PIGU: variants seen among roughly 807,000 people sequenced by gnomAD.
The protein encoded by PIGU is phosphatidylinositol glycan anchor biosynthesis class U.
Under a neutral mutation model 49.9 loss-of-function variants are expected in PIGU, and 24 were observed. The ratio of observed to expected loss-of-function variants is 0.48; its 90% CI spans 0.35 to 0.68. The LOEUF (loss-of-function observed/expected upper bound fraction) is 0.68, where lower values mean the gene tolerates loss of function less well. PIGU is among the 30% of genes least tolerant of loss of function. The pLI, the probability that PIGU is intolerant of heterozygous loss-of-function variation, is 0.01. For missense variants in PIGU, 490 were observed against 532.6 expected (o/e 0.92, Z 0.79); for synonymous variants, 220 against 205.7 (o/e 1.07, Z -0.59).
chr20:34,614,899 C>T (rs1349903022), intron 7 of PIGU, among the ~76,000 whole-genome samples: 4 of 152,226 alleles, frequency 2.6e-5, no homozygotes, highest in African/African-American at 4.8e-5. Context: ...GCCACCTGTA[C>T]ACTTTCAAGA....
At chr20:34,631,015 C>T (rs1985687168) in intron 6 of PIGU, among the ~76,000 whole-genome samples, 1 of 150,990 alleles carries the variant, frequency 6.6e-6, no homozygotes, top group African/African-American at 2.4e-5. Context: ...AGAAATCCTC[C>T]CAAAACAAAC....
intron 1 of PIGU, among the ~76,000 whole-genome samples, chr20:34,668,978 A>G (rs898136278): frequency 1.1e-4 from 16 of 140,834 alleles, no homozygotes; most frequent in Non-Finnish European, 7.5e-5. Context: ...TCCTCATCCC[A>G]GGCTCAAGCA....
At chr20:34,607,540 G>A (rs1324976628) in intron 7 of PIGU, among the ~76,000 whole-genome samples, 1 of 152,112 alleles carries the variant, frequency 6.6e-6, no homozygotes, top group African/African-American at 2.4e-5. Flanking sequence ...CCATCCCATT[G>A]ACAGCCACTT....
At position 34,581,569 on chromosome 20, in the gene PIGU, CG is replaced by C; in HGVS notation, c.1029del (p.Val344CysfsTer9). 6.2e-7 allele frequency: 1 copy of C among 1,613,534 alleles called. No individual in the cohort carries two copies. The highest frequency in any genetic ancestry group is 8.5e-7 in the Non-Finnish European group (1 of 1,179,852). ...TCACATCTGTAGAGATGGTTCCACA[CG>C]GGGAAGAAGGCCATGTAGAGCGCCA... ...GDVALYMAFF[P>X]VWNHLYRFLR... is the part of the protein sequence containing the mutation. On this transcript the variant is annotated frameshift_variant, in exon 10 of 12. Coordinates refer to ENST00000217446, the MANE Select transcript of PIGU (RefSeq NM_080476.5). LOFTEE classifies it high-confidence loss of function.
rs71194627 is a variant in PIGU at position 34,595,095 on chromosome 20, CAAAAAAAAAAAAA to C, written c.628-6501_628-6489del. ...TGGGAAACAGAGCAAGACTCCGTCT[CAAAAAAAAAAAAA>C]AAAAAAAAAAGAAAAGAAAATATAC... On this transcript the variant is annotated intron_variant, in intron 7 of 11. Transcript: ENST00000217446. 4.2e-5 allele frequency among the ~76,000 whole-genome samples: 3 copies of C among 71,336 alleles called. No homozygotes were observed. In the Admixed American group the frequency reaches 6.2e-4, roughly 15 times the overall value. The allele number at this position is 71,336 out of a possible 152,430, so 46.8% of individuals were successfully genotyped here.
At chr20:34,639,317 C>T (rs1372874265) in intron 4 of PIGU, among the ~76,000 whole-genome samples, 2 of 152,226 alleles carry the variant, frequency 1.3e-5, no homozygotes, top group South Asian at 2.1e-4. Context: ...AGGAGAATGG[C>T]GTGAACCCGG....
chr20:34,670,857 T>C (rs1022883351), intron 1 of PIGU, among the ~76,000 whole-genome samples: 1 of 152,214 alleles, frequency 6.6e-6, no homozygotes, highest in Non-Finnish European at 1.5e-5. Context: ...CTGATTCTCA[T>C]AGCTGTAGTA....
At chr20:34,623,137 G>C (rs1985310561) in intron 6 of PIGU, among the ~76,000 whole-genome samples, 2 of 152,128 alleles carry the variant, frequency 1.3e-5, no homozygotes, top group Non-Finnish European at 2.9e-5. Flanking sequence ...AGAGAATAAA[G>C]AGATTGGGTC....
rs555235216 is a variant in PIGU, at chr20:34,591,968, G to A, written c.628-3361C>T. 7.9e-5 allele frequency among the ~76,000 whole-genome samples: 12 copies of A among 152,168 alleles called. No individual in the cohort carries two copies. In the East Asian group the frequency reaches 9.7e-4, roughly 12 times the overall value. ...TCTGGGAGGCCGAAGCGGGTGGATC[G>A]CGAGGTCAGGGGATCAAAACCATCC... On this transcript the variant is annotated intron_variant, in intron 7 of 11. Coordinates refer to ENST00000217446, the MANE Select transcript of PIGU (RefSeq NM_080476.5).
chr20:34,572,292 C>A (rs1983045478), intron 11 of PIGU, among the ~76,000 whole-genome samples: 1 of 152,020 alleles, frequency 6.6e-6, no homozygotes. Flanking sequence ...TCTCAGCCTC[C>A]CAAAGTGCTG....
intron 6 of PIGU, among the ~76,000 whole-genome samples, chr20:34,628,575 G>A (rs1195115308): frequency 3.3e-5 from 5 of 152,118 alleles, no homozygotes; most frequent in African/African-American, 1.2e-4. Flanking sequence ...CTAGAACTGG[G>A]CGCAGTGGCT....
At chr20:34,598,434 C>T (rs1267834968) in intron 7 of PIGU, among the ~76,000 whole-genome samples, 2 of 152,220 alleles carry the variant, frequency 1.3e-5, no homozygotes, top group African/African-American at 4.8e-5. Context: ...ATCTCATAGG[C>T]TCTTTAACAG....
chr20:34,604,913 G>A (rs979599689), intron 7 of PIGU, among the ~76,000 whole-genome samples: 1 of 152,098 alleles, frequency 6.6e-6, no homozygotes, highest in Non-Finnish European at 1.5e-5. Context: ...AGAAAATAAA[G>A]GCCTCAAACC....
At chr20:34,603,861 G>GACACACAC (rs142929319) in intron 7 of PIGU, among the ~76,000 whole-genome samples, 30 of 143,896 alleles carry the variant, frequency 2.1e-4, no homozygotes, top group African/African-American at 7.0e-4. Context: ...TTAGTGGACA[G>GACACACAC]ACACACACAC....
intron 10 of PIGU, among the ~76,000 whole-genome samples, chr20:34,579,632 A>G (rs1983379525): frequency 6.6e-6 from 1 of 152,166 alleles, no homozygotes; most frequent in African/African-American, 2.4e-5. Flanking sequence ...CTGCTGCAGG[A>G]GCAGTGAAGC....
At chr20:34,601,926 G>C (rs1333748139) in intron 7 of PIGU, among the ~76,000 whole-genome samples, 2 of 152,224 alleles carry the variant, frequency 1.3e-5, no homozygotes, top group Non-Finnish European at 2.9e-5. Context: ...CCAGTGAACA[G>C]GTGAGATTTC....
intron 5 of PIGU, 104 bp from the exon 6 acceptor site, chr20:34,634,819 A>C (rs1422918899): frequency 2.0e-6 from 3 of 1,476,198 alleles, no homozygotes; most frequent in Non-Finnish European, 1.8e-6. Flanking sequence ...TACGCAAAGG[A>C]AGGCAGCTTC....
chr20:34,673,062 G>C (rs1337133642), intron 1 of PIGU, among the ~76,000 whole-genome samples: 3 of 151,824 alleles, frequency 2.0e-5, no homozygotes, highest in African/African-American at 4.8e-5. Flanking sequence ...AGACCATCCT[G>C]GCTAACATGG....
intron 6 of PIGU, among the ~76,000 whole-genome samples, chr20:34,631,740 T>C (rs1985730291): frequency 7.0e-4 from 1 of 1,424 alleles, no homozygotes; most frequent in African/African-American, 3.7e-3. Flanking sequence ...TATATATATA[T>C]ATATATATAT....
Sources: gnomAD v4.1 joint callset for allele counts (sites outside exome capture counted in the v4.1 genomes callset) on GRCh38, gnomAD v4.1.1 for gene constraint, MANE v1.5 for transcripts, NCBI Gene and HGNC (gene_info 2026-07-23, HGNC 2026-07-21) for gene names.